The following TMEM231 variants were observed in gnomAD, a reference collection of about 807,000 sequenced individuals.
The protein encoded by TMEM231 is transmembrane protein 231.
Under a neutral mutation model 38.5 loss-of-function variants are expected in TMEM231, and 40 were observed. The ratio of observed to expected loss-of-function variants is 1.04; its 90% CI spans 0.81 to 1.35. The LOEUF is 1.35. TMEM231 is among the 40% of genes most tolerant of loss of function. TMEM231 has a pLI of 0.00. For synonymous variants in TMEM231, 199 were observed against 181.7 expected (o/e 1.10, Z -0.77); for missense variants, 420 against 416.9 (o/e 1.01, Z -0.07).
intron 2 of TMEM231, chr16:75,555,208 A>C (rs1025668462): frequency 1.3e-5 from 2 of 152,292 alleles, no homozygotes; most frequent in Non-Finnish European, 2.9e-5. Flanking sequence ...ATAAATAAAT[A>C]AATTACAGAC....
intron 2 of TMEM231, among the ~76,000 whole-genome samples, chr16:75,548,503 T>C (rs765905166): frequency 6.6e-6 from 1 of 152,114 alleles, no homozygotes; most frequent in Non-Finnish European, 1.5e-5. Flanking sequence ...CGATGGACAA[T>C]GTAGAAAACA....
intron 2 of TMEM231, among the ~76,000 whole-genome samples, chr16:75,551,135 T>G (rs1026176633): frequency 6.6e-6 from 1 of 152,256 alleles, no homozygotes; most frequent in African/African-American, 2.4e-5. Flanking sequence ...GCACCAGTTG[T>G]GGGTCTCTAG....
Position 75,539,132 on chromosome 16 carries a change from A to AG in TMEM231, c.*861dup, listed in dbSNP as rs1247739438. The AG allele has an allele frequency of 6.6e-6, 1 of 151,638 alleles. No individual in the cohort carries two copies. Among genetic ancestry groups the AG allele is most frequent in the Non-Finnish European group, 1.5e-5 (1 of 67,884 alleles). 9.4% of individuals were successfully genotyped at this position (151,638 alleles called of 1,614,324 possible). A position where few individuals can be genotyped will look rare whatever the true frequency, so the allele number is the denominator to read the frequency against. ...CCTGTCGCCCCTGTCCTTTGCAGGA[A>AG]GGGGGAGGGCTGTCAAGGAGGAGGA... On this transcript the variant is annotated 3_prime_UTR_variant, in exon 7 of 7. Coordinates refer to ENST00000258173, the MANE Select transcript of TMEM231 (RefSeq NM_001077418.3).
At chr16:75,548,279 C>T (rs1487324004) in intron 2 of TMEM231, among the ~76,000 whole-genome samples, 10 of 152,218 alleles carry the variant, frequency 6.6e-5, no homozygotes, top group Admixed American at 6.5e-4. Context: ...CAGCACCAGG[C>T]ATCTACGTCT....
intron 2 of TMEM231, chr16:75,555,595 G>C (rs897156867): frequency 2.0e-6 from 1 of 511,832 alleles, no homozygotes; most frequent in Admixed American, 4.0e-5. Flanking sequence ...AACTTTCTGG[G>C]GGCCGGGGAC....
At chr16:75,555,719 G>C in intron 2 of TMEM231, 85 bp downstream of exon 2, 1 of 1,373,222 alleles carries the variant, frequency 7.3e-7, no homozygotes, top group Non-Finnish European at 9.5e-7. Context: ...CCCAGGGCCG[G>C]GGCCGCTCGC....
In TMEM231 at chr16:75,555,873, G is replaced by C; in HGVS notation, c.240C>G (p.Phe80Leu). 1.3e-6 allele frequency: 2 copies of C among 1,591,772 alleles called. No homozygotes were observed. Among genetic ancestry groups the C allele is most frequent in the East Asian group, 4.5e-5 (2 of 43,960 alleles). Residue 80 changes from phenylalanine to leucine, a missense_variant, in exon 2 of 7, where the codon TTC becomes TTG. Phe to Leu is a conservative substitution (Grantham distance 22). Transcript: ENST00000258173. Reference sequence around the variant, plus strand: ...AGGCGGGGAACGTGCTCCAGGCGAGGAACCCGTCGCTTTCGGGTCCGAGCA... The same window carrying C: ...AGGCGGGGAACGTGCTCCAGGCGAGCAACCCGTCGCTTTCGGGTCCGAGCA... ...VALLGPESDG[F>L]LAWSTFPAFN...
rs1202967439 is a variant in TMEM231, at chr16:75,538,540, T to C, written c.*1454A>G. On this transcript the variant is annotated 3_prime_UTR_variant, in exon 7 of 7. Coordinates refer to ENST00000258173, the MANE Select transcript of TMEM231 (RefSeq NM_001077418.3). ...TTAAAAAAAGACAAGGGGGTCAGTG[T>C]TAGGGAATTCCTCTGCTTGAATACT... The C allele has an allele frequency of 6.6e-6, 1 of 152,150 alleles. No homozygotes were observed. The highest frequency in any genetic ancestry group is 1.9e-4 in the East Asian group (1 of 5,192). The allele number at this position is 152,150 out of a possible 1,614,324, so 9.4% of individuals were successfully genotyped here.
At position 75,538,281 on chromosome 16, in the gene TMEM231, A is replaced by T. The variant is rs2080581224; in HGVS notation, c.*1713T>A. ...TGGCCTCCCAAAGTGTTGAGATTACAGGAATGAACCACCATGCTCGGCCTC... is the reference window on the plus strand; with the variant it reads ...TGGCCTCCCAAAGTGTTGAGATTACTGGAATGAACCACCATGCTCGGCCTC... On this transcript the variant is annotated 3_prime_UTR_variant, in exon 7 of 7. Transcript: ENST00000258173. 1 of 152,230 alleles carries T rather than the reference A, an allele frequency of 6.6e-6. No individual in the cohort carries two copies. Among genetic ancestry groups the T allele is most frequent in the Non-Finnish European group, 1.5e-5 (1 of 68,042 alleles). 9.4% of individuals were successfully genotyped at this position (152,230 alleles called of 1,614,324 possible).
At chr16:75,549,828 CT>C (rs1465162173) in intron 2 of TMEM231, among the ~76,000 whole-genome samples, 1 of 152,176 alleles carries the variant, frequency 6.6e-6, no homozygotes, top group East Asian at 1.9e-4. Context: ...CCTGCCTCAG[CT>C]TCCTGACTAG....
intron 2 of TMEM231, among the ~76,000 whole-genome samples, chr16:75,548,285 C>A (rs768758395): frequency 6.6e-6 from 1 of 152,202 alleles, no homozygotes; most frequent in African/African-American, 2.4e-5. Flanking sequence ...CAGGCATCTA[C>A]GTCTGTATAC....
rs1418466828 is a variant in TMEM231, at chr16:75,545,496, C to G, written c.439-1G>C. ...TCTGCATCACGAGGGTCGCCATCCT[C>G]TGAAATCATTAGAAGGACCAACAAT... On this transcript the variant is annotated splice_acceptor_variant, in intron 3 of 6. Transcript: ENST00000258173. LOFTEE classifies it high-confidence loss of function. 9.0e-6 allele frequency: 14 copies of G among 1,548,070 alleles called. No homozygotes were observed. The highest frequency in any genetic ancestry group is 1.5e-5 in the African/African-American group (1 of 67,780).
chr16:75,548,521 G>A (rs929777859), intron 2 of TMEM231, among the ~76,000 whole-genome samples: 2 of 152,208 alleles, frequency 1.3e-5, no homozygotes, highest in African/African-American at 2.4e-5. Context: ...ACAGTGACAA[G>A]TGCCGCTGAC....
chr16:75,550,149 G>A (rs905637806), intron 2 of TMEM231, among the ~76,000 whole-genome samples: 3 of 152,216 alleles, frequency 2.0e-5, no homozygotes, highest in African/African-American at 4.8e-5. Flanking sequence ...AAGGGGAAGC[G>A]GGTGGGACTG....
At chr16:75,548,904 G>C (rs898572746) in intron 2 of TMEM231, among the ~76,000 whole-genome samples, 1 of 152,040 alleles carries the variant, frequency 6.6e-6, no homozygotes, top group Admixed American at 6.6e-5. Context: ...GAATTTAACA[G>C]AAATTTTTAA....
intron 4 of TMEM231, among the ~76,000 whole-genome samples, chr16:75,544,199 G>A (rs2080657094): frequency 6.6e-6 from 1 of 152,232 alleles, no homozygotes; most frequent in African/African-American, 2.4e-5. Context: ...AGATGCCACT[G>A]CTGTCAAGGC....
chr16:75,550,585 G>C (rs563740125), intron 2 of TMEM231, among the ~76,000 whole-genome samples: 117 of 152,290 alleles, frequency 7.7e-4, no homozygotes, highest in Non-Finnish European at 1.4e-3. Flanking sequence ...AGAAATTCAA[G>C]TGCCATTGTT....
At chr16:75,541,533 C>T in intron 5 of TMEM231, 78 bp from the exon 6 acceptor site, 1 of 852,568 alleles carries the variant, frequency 1.2e-6, no homozygotes, top group Non-Finnish European at 1.7e-6. Context: ...TTATTTGATA[C>T]CTGGAAATTA....
rs35767878 is a variant in TMEM231 at position 75,537,121 on chromosome 16, CAAAA to C, written c.*2869_*2872del. 4 of 107,180 alleles carry C rather than the reference CAAAA, an allele frequency of 3.7e-5. No homozygotes were observed. Among genetic ancestry groups the C allele is most frequent in the Non-Finnish European group, 5.9e-5 (3 of 50,726 alleles). 6.6% of individuals were successfully genotyped at this position (107,180 alleles called of 1,614,324 possible). A position where few individuals can be genotyped will look rare whatever the true frequency, so the allele number is the denominator to read the frequency against. ...TGGGTAACAGAGTGAGACTCTGTCTCAAAAAAAAAAAAAAAAAAGAAAAAGAAAA... is the reference window on the plus strand; with the variant it reads ...TGGGTAACAGAGTGAGACTCTGTCTCAAAAAAAAAAAAAAGAAAAAGAAAA... On this transcript the variant is annotated 3_prime_UTR_variant, in exon 7 of 7. Transcript: ENST00000258173.
Sources: allele counts gnomAD v4.1 joint callset (sites outside exome capture counted in the v4.1 genomes callset), GRCh38; gene constraint gnomAD v4.1.1; transcripts MANE v1.5; gene names NCBI Gene and HGNC (gene_info 2026-07-23, HGNC 2026-07-21).